Variants in PRKN observed in about 807,000 individuals in gnomAD.
The protein encoded by PRKN is E3 ubiquitin-protein ligase parkin.
Under a neutral mutation model 59.5 loss-of-function variants are expected in PRKN, and 56 were observed. That is an observed-to-expected ratio of 0.94 (90% confidence interval 0.76 to 1.18). PRKN has a LOEUF of 1.18. Among genes scored for constraint, PRKN ranks in the 50% most tolerant of loss-of-function variants. PRKN has a pLI of 0.00. For missense variants in PRKN, 657 were observed against 596.4 expected (o/e 1.10, Z -1.06); for synonymous variants, 250 against 222.1 (o/e 1.13, Z -1.12).
intron 9 of PRKN, among the ~76,000 whole-genome samples, chr6:161,517,019 T>C (rs1778635216): frequency 6.6e-6 from 1 of 152,046 alleles, no homozygotes; most frequent in Non-Finnish European, 1.5e-5. Flanking sequence ...AGGGTAAAAA[T>C]ATAGTATTAT....
In PRKN at chr6:161,879,341, CTTTTTTT is replaced by C. The variant is rs72163881; in HGVS notation, c.735-93440_735-93434del. 1.6e-4 allele frequency among the ~76,000 whole-genome samples: 18 copies of C among 112,228 alleles called. No individual in the cohort carries two copies. In the East Asian group the frequency reaches 4.7e-3, roughly 29 times the overall value. 73.6% of individuals were successfully genotyped at this position (112,228 alleles called of 152,430 possible). ...TGTATGGTCATTATGACATTTCTGCCTTTTTTTTTTTTTTTTTTTTGAGATGGAGTCT... is the reference window on the plus strand; with the variant it reads ...TGTATGGTCATTATGACATTTCTGCCTTTTTTTTTTTTTGAGATGGAGTCT... On this transcript the variant is annotated intron_variant, in intron 6 of 11. Transcript: ENST00000366898.
At chr6:162,609,637 C>T (rs188774930) in intron 1 of PRKN, among the ~76,000 whole-genome samples, 299 of 152,282 alleles carry the variant, frequency 2.0e-3, no homozygotes, top group African/African-American at 6.9e-3. Flanking sequence ...CAAGCTTCAA[C>T]ACAAACTTTG....
At chr6:162,616,179 C>T (rs1782403416) in intron 1 of PRKN, among the ~76,000 whole-genome samples, 1 of 152,138 alleles carries the variant, frequency 6.6e-6, no homozygotes, top group Non-Finnish European at 1.5e-5. Flanking sequence ...CCCATATCCT[C>T]TGGACACTAC....
chr6:161,556,153 C>A (rs899017814), intron 8 of PRKN, among the ~76,000 whole-genome samples: 6 of 151,998 alleles, frequency 3.9e-5, no homozygotes, highest in Non-Finnish European at 7.4e-5. Flanking sequence ...ATTATGTCCC[C>A]CTTTCCATTC....
At chr6:162,593,014 A>G (rs1781368784) in intron 1 of PRKN, among the ~76,000 whole-genome samples, 1 of 152,060 alleles carries the variant, frequency 6.6e-6, no homozygotes, top group Non-Finnish European at 1.5e-5. Flanking sequence ...ACAGAAGGAC[A>G]CTACGCGAAA....
At chr6:162,688,593 A>G (rs984286326) in intron 1 of PRKN, among the ~76,000 whole-genome samples, 1 of 152,200 alleles carries the variant, frequency 6.6e-6, no homozygotes, top group African/African-American at 2.4e-5. Flanking sequence ...CCAAGAGTGC[A>G]CACATTCAGA....
rs73606826 is a variant in PRKN at position 161,990,001 on chromosome 6, T to C, written c.619-16584A>G. On this transcript the variant is annotated intron_variant, in intron 5 of 11. Transcript: ENST00000366898. ...ACCACTGGTGCCTGCATATGCTGACTAGGAACCAGAGATGTGGCTTGCCAC... is the reference window on the plus strand; with the variant it reads ...ACCACTGGTGCCTGCATATGCTGACCAGGAACCAGAGATGTGGCTTGCCAC... Among the ~76,000 whole-genome samples the C allele has an allele frequency of 2.1e-3, 315 of 152,198 alleles. 1 individual carries two copies. Among genetic ancestry groups the C allele is most frequent in the African/African-American group, 6.9e-3 (287 of 41,526 alleles).
At chr6:161,425,502 C>T (rs1046189584) in intron 9 of PRKN, among the ~76,000 whole-genome samples, 12 of 143,688 alleles carry the variant, frequency 8.4e-5, no homozygotes, top group South Asian at 4.5e-4. Flanking sequence ...GGTGTAGGTC[C>T]GTGGTCCGAT....
chr6:162,553,357 G>A (rs1269596517), intron 1 of PRKN, among the ~76,000 whole-genome samples: 7 of 151,760 alleles, frequency 4.6e-5, no homozygotes, highest in Admixed American at 1.3e-4. Context: ...GTGAGCAGCC[G>A]GAAAGAAAGA....
chr6:162,057,254 T>C (rs1215908432), intron 4 of PRKN, among the ~76,000 whole-genome samples: 1 of 152,192 alleles, frequency 6.6e-6, no homozygotes, highest in Non-Finnish European at 1.5e-5. Flanking sequence ...TTTTCAACTT[T>C]AGAGTAACAC....
chr6:162,287,225 A>T (rs1392870297), intron 2 of PRKN, among the ~76,000 whole-genome samples: 4 of 152,158 alleles, frequency 2.6e-5, no homozygotes, highest in African/African-American at 9.7e-5. Flanking sequence ...AACATATCAC[A>T]ATTCTGATTT....
chr6:162,046,810 C>T (rs1226268622), intron 5 of PRKN, among the ~76,000 whole-genome samples: 3 of 151,806 alleles, frequency 2.0e-5, no homozygotes, highest in Non-Finnish European at 4.4e-5. Flanking sequence ...GAAACTAATG[C>T]GTTTTCATAT....
At chr6:161,944,064 T>G (rs985647129) in intron 6 of PRKN, among the ~76,000 whole-genome samples, 1 of 142,856 alleles carries the variant, frequency 7.0e-6, no homozygotes, top group African/African-American at 2.5e-5. Flanking sequence ...GGGATCAGCC[T>G]GAGGGATCAG....
chr6:162,577,754 A>G (rs940384400), intron 1 of PRKN, among the ~76,000 whole-genome samples: 2 of 152,136 alleles, frequency 1.3e-5, no homozygotes, highest in African/African-American at 4.8e-5. Flanking sequence ...CATAGTGAGG[A>G]TCTGTCTCCA....
At chr6:162,370,006 T>C (rs1785663709) in intron 2 of PRKN, among the ~76,000 whole-genome samples, 1 of 152,206 alleles carries the variant, frequency 6.6e-6, no homozygotes, top group Non-Finnish European at 1.5e-5. Context: ...TGAGTACACA[T>C]GGCCTCTCTA....
At chr6:161,675,638 G>C (rs1785058997) in intron 7 of PRKN, among the ~76,000 whole-genome samples, 1 of 152,070 alleles carries the variant, frequency 6.6e-6, no homozygotes, top group Non-Finnish European at 1.5e-5. Flanking sequence ...CTCTCTTGCT[G>C]CTTACTATGC....
intron 6 of PRKN, among the ~76,000 whole-genome samples, chr6:161,809,288 G>A (rs905484159): frequency 2.5e-5 from 2 of 80,908 alleles, no homozygotes; most frequent in Non-Finnish European, 4.8e-5. Context: ...CAGAAATCCC[G>A]AGTCCTGAGG....
At chr6:162,610,735 T>C (rs759370673) in intron 1 of PRKN, among the ~76,000 whole-genome samples, 1 of 152,220 alleles carries the variant, frequency 6.6e-6, no homozygotes, top group Non-Finnish European at 1.5e-5. Flanking sequence ...CAATATTTCA[T>C]GTTAGCATTT....
intron 7 of PRKN, among the ~76,000 whole-genome samples, chr6:161,686,487 A>G (rs1270414341): frequency 1.3e-5 from 2 of 152,216 alleles, no homozygotes; most frequent in Non-Finnish European, 2.9e-5. Flanking sequence ...CACTTAGTAA[A>G]TATTAAAAAC....
Sources: allele counts gnomAD v4.1 joint callset (sites outside exome capture counted in the v4.1 genomes callset), GRCh38; gene constraint gnomAD v4.1.1; transcripts MANE v1.5; gene names NCBI Gene and HGNC (gene_info 2026-07-23, HGNC 2026-07-21).